Variants in RAB38 observed in about 807,000 individuals in gnomAD.
RAB38 encodes ras-related protein Rab-38.
Under a neutral mutation model 18.4 loss-of-function variants are expected in RAB38, and 15 were observed. That is an observed-to-expected ratio of 0.82 (90% CI 0.55 to 1.26). The LOEUF (loss-of-function observed/expected upper bound fraction) is 1.26. Among genes scored for constraint, RAB38 ranks in the 50% most tolerant of loss-of-function variants. RAB38 has a pLI of 0.00. For missense variants in RAB38, 294 were observed against 267.4 expected (o/e 1.10, Z -0.69); for synonymous variants, 101 against 104.4 (o/e 0.97, Z 0.20).
the RAB38 span, among the ~76,000 whole-genome samples, chr11:87,943,075 T>G: frequency 6.6e-6 from 1 of 152,022 alleles, no homozygotes. Context: ...AAAAGTCAAA[T>G]AGGTTCAAGA....
At chr11:87,901,418 T>G in the RAB38 span, among the ~76,000 whole-genome samples, 1 of 151,592 alleles carries the variant, frequency 6.6e-6, no homozygotes, top group Non-Finnish European at 1.5e-5. Flanking sequence ...TTGGAGAACT[T>G]GGAACTCAAC....
chr11:88,019,860 G>T, the RAB38 span, among the ~76,000 whole-genome samples: 2 of 151,774 alleles, frequency 1.3e-5, no homozygotes, highest in Non-Finnish European at 2.9e-5. Flanking sequence ...CTCTTTTTTC[G>T]GTCCTAGAAT....
chr11:87,934,016 G>A, the RAB38 span, among the ~76,000 whole-genome samples: 1 of 152,062 alleles, frequency 6.6e-6, no homozygotes, highest in African/African-American at 2.4e-5. Context: ...TTTCTACCAT[G>A]TCTGGGTAGG....
the RAB38 span, among the ~76,000 whole-genome samples, chr11:87,938,995 T>G: frequency 6.6e-6 from 1 of 152,120 alleles, no homozygotes; most frequent in African/African-American, 2.4e-5. Flanking sequence ...ACGTTGCACT[T>G]TACTAAATGA....
At chr11:87,951,404 A>G in the RAB38 span, among the ~76,000 whole-genome samples, 8 of 152,018 alleles carry the variant, frequency 5.3e-5, no homozygotes, top group East Asian at 1.9e-4. Flanking sequence ...CGTCAAAGTC[A>G]TTCTCCATCC....
the RAB38 span, among the ~76,000 whole-genome samples, chr11:88,077,439 T>C: frequency 6.6e-6 from 1 of 152,052 alleles, no homozygotes; most frequent in East Asian, 1.9e-4. Flanking sequence ...AGCATGGTAC[T>C]GCCATAAATG....
the RAB38 span, among the ~76,000 whole-genome samples, chr11:88,063,978 G>C: frequency 6.6e-6 from 1 of 152,194 alleles, no homozygotes; most frequent in Admixed American, 6.5e-5. Flanking sequence ...CTACGAAACA[G>C]TGTCCCGTTT....
intron 1 of RAB38, among the ~76,000 whole-genome samples, chr11:88,165,164 A>G (rs1177303888): frequency 2.0e-5 from 3 of 152,148 alleles, no homozygotes; most frequent in African/African-American, 7.2e-5. Flanking sequence ...ATGTATAACA[A>G]CCCACGAGAT....
the RAB38 span, among the ~76,000 whole-genome samples, chr11:87,877,735 C>T: frequency 6.6e-6 from 1 of 151,434 alleles, no homozygotes; most frequent in Admixed American, 6.6e-5. Context: ...GTCTCTGTCC[C>T]CTTAATTGAA....
the RAB38 span, among the ~76,000 whole-genome samples, chr11:88,056,965 C>T: frequency 1.3e-5 from 2 of 152,100 alleles, no homozygotes; most frequent in Non-Finnish European, 2.9e-5. Flanking sequence ...TGTGTTCACT[C>T]GGTGAATATA....
chr11:88,124,798 T>G (rs79411055), intron 2 of RAB38, among the ~76,000 whole-genome samples: 1,882 of 152,330 alleles, frequency 0.012, 27 homozygotes, highest in South Asian at 0.027. Flanking sequence ...ATACATCAAT[T>G]TGAAGTTCTT....
the RAB38 span, among the ~76,000 whole-genome samples, chr11:88,039,665 A>C: frequency 5.3e-5 from 8 of 152,196 alleles, no homozygotes; most frequent in Non-Finnish European, 1.0e-4. Flanking sequence ...GGGGAAGGAG[A>C]GCCTGACTGG....
At chr11:88,086,004 C>T in the RAB38 span, among the ~76,000 whole-genome samples, 16 of 151,898 alleles carry the variant, frequency 1.1e-4, no homozygotes, top group East Asian at 3.1e-3. Flanking sequence ...TTGAACTTTA[C>T]CTCCGCAGTT....
the RAB38 span, among the ~76,000 whole-genome samples, chr11:87,823,076 A>C: frequency 6.6e-6 from 1 of 152,060 alleles, no homozygotes; most frequent in African/African-American, 2.4e-5. Context: ...ACAAAGAAAA[A>C]CAGACAAATC....
the RAB38 span, among the ~76,000 whole-genome samples, chr11:88,054,148 A>G: frequency 6.6e-6 from 1 of 152,190 alleles, no homozygotes; most frequent in Admixed American, 6.5e-5. Context: ...GAACTTAGCT[A>G]TTATGAAGAA....
At chr11:88,055,421 T>C in the RAB38 span, among the ~76,000 whole-genome samples, 16 of 152,320 alleles carry the variant, frequency 1.1e-4, no homozygotes, top group Non-Finnish European at 1.5e-4. Context: ...AATATGAGTA[T>C]GTAATGCATG....
chr11:87,938,185 C>G, the RAB38 span, among the ~76,000 whole-genome samples: 172 of 152,138 alleles, frequency 1.1e-3, no homozygotes, highest in African/African-American at 4.0e-3. Flanking sequence ...CCTGTTATTG[C>G]TTTTTGGGGA....
At chr11:88,010,298 G>GAA in the RAB38 span, among the ~76,000 whole-genome samples, 1 of 151,902 alleles carries the variant, frequency 6.6e-6, no homozygotes, top group East Asian at 1.9e-4. Context: ...CATTTAATGA[G>GAA]TTTCTTAAAG....
At chr11:88,121,205 G>C (rs896389323) in intron 2 of RAB38, among the ~76,000 whole-genome samples, 6 of 152,160 alleles carry the variant, frequency 3.9e-5, no homozygotes, top group Non-Finnish European at 8.8e-5. Flanking sequence ...CCTGTTGCCT[G>C]TGTCCTTGAA....
Sources: gnomAD v4.1 joint callset for allele counts (sites outside exome capture counted in the v4.1 genomes callset) on GRCh38, gnomAD v4.1.1 for gene constraint, MANE v1.5 for transcripts, NCBI Gene and HGNC (gene_info 2026-07-23, HGNC 2026-07-21) for gene names.